Variants in DMD observed in about 807,000 individuals in gnomAD.
DMD encodes the protein mutant dystrophin.
A neutral mutation model predicts 330.1 loss-of-function variants in DMD; 63 were observed. The ratio of observed to expected loss-of-function variants is 0.19; its 90% CI spans 0.16 to 0.24. The LOEUF (loss-of-function observed/expected upper bound fraction) is 0.24. Ranked by LOEUF, DMD falls within the 10% of genes least tolerant of loss-of-function variation. DMD has a pLI of 1.00. For synonymous variants in DMD, 1,223 were observed against 959.8 expected (o/e 1.27, Z -5.07); for missense variants, 3,344 against 2,684.1 (o/e 1.25, Z -5.43).
intron 52 of DMD, among the ~76,000 whole-genome samples, chrX:31,686,006 T>G (rs1380109162): frequency 8.9e-6 from 1 of 111,931 alleles, no homozygotes; most frequent in East Asian, 2.8e-4. Context: ...CCCACTCTCC[T>G]ACTGGTACTT....
chrX:32,585,622 C>G (rs2054163112), intron 13 of DMD, among the ~76,000 whole-genome samples: 1 of 93,316 alleles, frequency 1.1e-5, no homozygotes, highest in African/African-American at 4.0e-5. Flanking sequence ...ATGGCATGAA[C>G]CCGGGAGGCA....
chrX:31,672,423 T>C (rs1245380200), intron 53 of DMD, among the ~76,000 whole-genome samples: 1 of 112,198 alleles, frequency 8.9e-6, no homozygotes, highest in African/African-American at 3.2e-5. Context: ...TGTAAGTTTA[T>C]AGTCTTTATA....
At chrX:32,933,187 G>T (rs938907351) in intron 2 of DMD, among the ~76,000 whole-genome samples, 1 of 111,378 alleles carries the variant, frequency 9.0e-6, no homozygotes, top group Admixed American at 9.6e-5. Context: ...AAAAATATTT[G>T]TAAAGGGGAT....
chrX:33,176,527 C>T (rs186656011), intron 1 of DMD, among the ~76,000 whole-genome samples: 1 of 106,740 alleles, frequency 9.4e-6, no homozygotes, highest in Non-Finnish European at 1.9e-5. Context: ...CACAAGAGAG[C>T]AGGTTTGCAG....
chrX:32,059,216 AT>A (rs1439159284), intron 44 of DMD, among the ~76,000 whole-genome samples: 1 of 111,386 alleles, frequency 9.0e-6, no homozygotes, highest in Non-Finnish European at 1.9e-5. Context: ...TGCACTTAAA[AT>A]TTATTAAGAG....
chrX:32,798,903 T>G (rs1035951655), intron 7 of DMD, among the ~76,000 whole-genome samples: 2 of 111,517 alleles, frequency 1.8e-5, no homozygotes, highest in African/African-American at 6.5e-5. Context: ...TTAACCTGTG[T>G]AAACTTATAA....
chrX:32,512,453 C>T (rs2045435854), intron 18 of DMD, among the ~76,000 whole-genome samples: 1 of 111,992 alleles, frequency 8.9e-6, no homozygotes, highest in Non-Finnish European at 1.9e-5. Flanking sequence ...AACTGCAGAA[C>T]TGAAAAAAAT....
At chrX:32,860,097 T>C (rs1461099507) in intron 2 of DMD, among the ~76,000 whole-genome samples, 3 of 111,649 alleles carry the variant, frequency 2.7e-5, no homozygotes, top group East Asian at 5.6e-4. Flanking sequence ...CTTTTTAGTA[T>C]GAAATAAAGA....
rs754579657 is a variant in DMD, at chrX:31,295,125, A to G, written c.9224+28473T>C. On this transcript the variant is annotated intron_variant, in intron 62 of 78. Coordinates refer to ENST00000357033, the MANE Select transcript of DMD (RefSeq NM_004006.3). The stretch of plus-strand genomic sequence containing the variant: ...ATTCTCCTGCCTCAGCCTCCCGAGT[A>G]TCTGGGACTACAGGCGTCCACCACC... Among the ~76,000 whole-genome samples, 3 of 110,057 alleles carry G rather than the reference A, an allele frequency of 2.7e-5. No individual in the cohort carries two copies. The East Asian group carries it at 8.7e-4, about 32-fold the overall frequency.
At chrX:32,335,385 A>G (rs1328312450) in intron 41 of DMD, among the ~76,000 whole-genome samples, 4 of 105,167 alleles carry the variant, frequency 3.8e-5, no homozygotes, top group African/African-American at 1.4e-4. Context: ...TATAAAACAT[A>G]TATAATACAT....
intron 44 of DMD, among the ~76,000 whole-genome samples, chrX:32,046,118 C>A (rs1403591960): frequency 8.9e-6 from 1 of 112,267 alleles, no homozygotes; most frequent in Non-Finnish European, 1.9e-5. Context: ...ACAGAATAAT[C>A]TACCTATATA....
chrX:32,558,283 G>T (rs1017273491), intron 16 of DMD, among the ~76,000 whole-genome samples: 2 of 111,834 alleles, frequency 1.8e-5, no homozygotes, highest in Non-Finnish European at 3.8e-5. Context: ...GCAAAGCAAT[G>T]AGATTTAATT....
chrX:31,415,212 A>G (rs1468523364), intron 60 of DMD, among the ~76,000 whole-genome samples: 1 of 112,441 alleles, frequency 8.9e-6, no homozygotes, highest in Non-Finnish European at 1.9e-5. Context: ...TCCCAAACTT[A>G]TTTTATTAAT....
Position 31,478,968 on chromosome X carries a change from T to C in DMD, c.8668+15A>G. 8.3e-7 allele frequency: 1 copy of C among 1,209,486 alleles called. No homozygotes were observed. The highest frequency in any genetic ancestry group is 3.0e-5 in the East Asian group (1 of 33,810). ...CCTTCTATCAATATGTTATTATAGT[T>C]CCACATTCAATTACCTCTGGGCTCC... On this transcript the variant is annotated intron_variant, in intron 58 of 78. Transcript: ENST00000357033.
chrX:32,726,141 G>C (rs759362643), intron 7 of DMD, among the ~76,000 whole-genome samples: 1 of 110,757 alleles, frequency 9.0e-6, no homozygotes, highest in Non-Finnish European at 1.9e-5. Flanking sequence ...ACTTTCTATG[G>C]AGGCAATGAC....
At chrX:33,282,300 CT>C (rs1306683357) in intron 1 of DMD, among the ~76,000 whole-genome samples, 2 of 111,966 alleles carry the variant, frequency 1.8e-5, no homozygotes, top group African/African-American at 6.5e-5. Flanking sequence ...AGTTAGGACA[CT>C]TGTGGCAAGA....
chrX:31,558,235 G>A (rs768535317), intron 55 of DMD, among the ~76,000 whole-genome samples: 44 of 111,538 alleles, frequency 3.9e-4, no homozygotes, highest in Non-Finnish European at 7.2e-4. Flanking sequence ...AGAATTTTAC[G>A]TTGCTGGAAG....
At chrX:31,361,169 T>C (rs1176045015) in intron 60 of DMD, among the ~76,000 whole-genome samples, 25 of 109,337 alleles carry the variant, frequency 2.3e-4, no homozygotes, top group Admixed American at 2.2e-3. Flanking sequence ...GACCCATCTT[T>C]AGGGGAAGTT....
chrX:31,776,139 C>G (rs1444252716), intron 50 of DMD, among the ~76,000 whole-genome samples: 4 of 111,300 alleles, frequency 3.6e-5, no homozygotes, highest in African/African-American at 1.3e-4. Flanking sequence ...AGGAAAGGAG[C>G]TAAATATCCA....
Sources: allele counts gnomAD v4.1 joint callset (sites outside exome capture counted in the v4.1 genomes callset), GRCh38; gene constraint gnomAD v4.1.1; transcripts MANE v1.5; gene names NCBI Gene and HGNC (gene_info 2026-07-23, HGNC 2026-07-21).